HAGH: variants seen among roughly 807,000 people sequenced by gnomAD.
The protein encoded by HAGH is hydroxyacylglutathione hydrolase.
HAGH carries 29 observed loss-of-function variants against 35.1 expected under a neutral mutation model. That is an observed-to-expected ratio of 0.83 (90% confidence interval 0.62 to 1.13). The LOEUF is 1.13. Among genes scored for constraint, HAGH ranks in the 50% most tolerant of loss-of-function variants. The pLI, the probability that HAGH is intolerant of heterozygous loss-of-function variation, is 0.00. For synonymous variants in HAGH, 225 were observed against 176.1 expected, an observed-to-expected ratio of 1.28 and a Z score of -2.20; for missense variants, 478 against 419.6, an observed-to-expected ratio of 1.14 and a Z score of -1.22.
rs967487062 is a variant in HAGH, at chr16:1,820,606, C to T, written c.315-592G>A. Among the ~76,000 whole-genome samples, 77 of 152,288 alleles carry T rather than the reference C, an allele frequency of 5.1e-4. 3 individuals carry two copies. Among genetic ancestry groups the T allele is most frequent in the Admixed American group, 4.2e-3 (65 of 15,312 alleles). On this transcript the variant is annotated intron_variant, in intron 3 of 8. Coordinates refer to ENST00000397356, the MANE Select transcript of HAGH (RefSeq NM_005326.6). ...GCAGGTGGAGGTGCCTCCTACGCGC[C>T]CAGGTTTCCCCAGGGGAGCCTGCCT... is the stretch of plus-strand genomic sequence containing the variant.
rs935998310 is a variant in HAGH at position 1,817,409 on chromosome 16, A to G, written c.542-138T>C. 7.5e-6 allele frequency: 5 copies of G among 663,188 alleles called. No individual in the cohort carries two copies. The Admixed American group carries it at 1.2e-4, about 15-fold the overall frequency. 41.1% of individuals were successfully genotyped at this position (663,188 alleles called of 1,614,324 possible). On this transcript the variant is annotated intron_variant, in intron 5 of 8. Transcript: ENST00000397356. ...GGCTGCCCTCCGGCCACGGCTGCCC[A>G]GACTCAGCCCCCCTGCATTCCGGCT... is the stretch of plus-strand genomic sequence containing the variant.
intron 3 of HAGH, among the ~76,000 whole-genome samples, chr16:1,820,541 G>A (rs1421668928): frequency 1.3e-5 from 2 of 152,176 alleles, no homozygotes; most frequent in Non-Finnish European, 2.9e-5. Context: ...GGCCCTAGAC[G>A]CGGCCTGTCT....
At chr16:1,817,333 G>A (rs1211738509) in intron 5 of HAGH, 62 bp from the exon 6 acceptor site, 8 of 1,043,756 alleles carry the variant, frequency 7.7e-6, no homozygotes, top group South Asian at 1.3e-5. Context: ...GACTCAGGAG[G>A]GGGCCAGGAG....
In HAGH at chr16:1,809,142, T is replaced by C. The variant is rs1206098401; in HGVS notation, c.*141A>G. ...ACTTGTTAAACTTCTCTTATAAATA[T>C]GCATTAGAATGTCCGATAACACAAG... is the stretch of plus-strand genomic sequence containing the variant. On this transcript the variant is annotated 3_prime_UTR_variant, in exon 9 of 9. Coordinates refer to ENST00000397356, the MANE Select transcript of HAGH (RefSeq NM_005326.6). The C allele has an allele frequency of 4.7e-6, 3 of 633,412 alleles. No homozygotes were observed. The highest frequency in any genetic ancestry group is 8.6e-6 in the Non-Finnish European group (3 of 349,416). 39.2% of individuals were successfully genotyped at this position (633,412 alleles called of 1,614,324 possible).
chr16:1,818,932 C>T (rs12103093), intron 5 of HAGH, 183 bp downstream of exon 5: 5 of 584,036 alleles, frequency 8.6e-6, no homozygotes, highest in Non-Finnish European at 1.5e-5. Context: ...TTCCAGACCA[C>T]GATCCAAACC....
At chr16:1,826,292 C>G (rs1898413616) in intron 1 of HAGH, among the ~76,000 whole-genome samples, 1 of 151,068 alleles carries the variant, frequency 6.6e-6, no homozygotes, top group African/African-American at 2.4e-5. Flanking sequence ...TCCACCACCG[C>G]AGGCGGCGCC....
intron 7 of HAGH, among the ~76,000 whole-genome samples, chr16:1,814,474 CAA>C (rs57787455): frequency 1.6e-4 from 15 of 95,038 alleles, no homozygotes; most frequent in Admixed American, 2.4e-4. Context: ...AACTCCGTCT[CAA>C]AAAAAAAAAA....
rs563988047 is a variant in HAGH, at chr16:1,816,916, G to A, written c.724C>T (p.Arg242Trp). The change falls in exon 7 of 9, where the codon CGG becomes TGG. Residue 242 changes from arginine (R) to tryptophan (W), a missense_variant. Physicochemically the swap from Arg to Trp is moderately radical, Grantham distance 101. Transcript: ENST00000397356. Reference sequence around the variant, plus strand: ...ACCTTGGCCCAGGCCAGCTTCTCCCGGATGGCGGCATTGCCGGGCTCCACG... The same window carrying A: ...ACCTTGGCCCAGGCCAGCTTCTCCCAGATGGCGGCATTGCCGGGCTCCACG... ...RHVEPGNAAI[R>W]EKLAWAKEKY... 1.6e-4 allele frequency: 261 copies of A among 1,613,234 alleles called. 1 individual carries two copies. The highest frequency in any genetic ancestry group is 6.8e-4 in the South Asian group (62 of 91,062).
chr16:1,819,165 C>T lies in HAGH; in HGVS notation c.491G>A (p.Cys164Tyr). Residue 164 changes from cysteine (C) to tyrosine (Y), a missense_variant, in exon 5 of 9, where the codon TGT (cysteine) becomes TAT (tyrosine). Transcript: ENST00000397356. ...ATPCHTSGHI[C>Y]YFVSKPGGSE... ...GCCTCCGGGCTTGCTCACGAAGTAACAAATGTGTCCTGAAGTGTGGCACGG... is the reference window on the plus strand; with the variant it reads ...GCCTCCGGGCTTGCTCACGAAGTAATAAATGTGTCCTGAAGTGTGGCACGG... 1 of 1,613,444 alleles carries T rather than the reference C, an allele frequency of 6.2e-7. No homozygotes were observed. The highest frequency in any genetic ancestry group is 8.5e-7 in the Non-Finnish European group (1 of 1,179,850).
intron 5 of HAGH, 99 bp downstream of exon 5, chr16:1,819,016 C>G: frequency 1.3e-6 from 1 of 747,632 alleles, no homozygotes; most frequent in Non-Finnish European, 2.4e-6. Flanking sequence ...CACACCGGTG[C>G]AACAGAGAAG....
intron 7 of HAGH, among the ~76,000 whole-genome samples, chr16:1,816,212 A>AT (rs1291250193): frequency 7.2e-6 from 1 of 139,088 alleles, no homozygotes; most frequent in Non-Finnish European, 1.6e-5. Context: ...TCAAAAAAAA[A>AT]TTAAAAAAAA....
chr16:1,826,267 C>G (rs1341933400), intron 1 of HAGH, among the ~76,000 whole-genome samples: 2 of 151,362 alleles, frequency 1.3e-5, no homozygotes, highest in Non-Finnish European at 3.0e-5. Flanking sequence ...GGGGCTCCGG[C>G]GCCGGGCGGG....
rs752609495 is a variant in HAGH at position 1,819,216 on chromosome 16, G to A, written c.440C>T (p.Ser147Phe). The A allele has an allele frequency of 1.6e-5, 26 of 1,607,144 alleles. No individual in the cohort carries two copies. The African/African-American group carries it at 3.5e-4, about 21-fold the overall frequency. Residue 147 changes from serine (S) to phenylalanine (F), a missense_variant, in exon 5 of 9, where the codon TCT (serine) becomes TTT (phenylalanine). Coordinates refer to ENST00000397356, the MANE Select transcript of HAGH (RefSeq NM_005326.6). ...ITHLSTLQVG[S>F]LNVKCLATPC... ...GGTCGCCAGGCACTTGACGTTCAGA[G>A]ACCCCACCTTCAACAAAGCAGGCGA...
intron 7 of HAGH, among the ~76,000 whole-genome samples, chr16:1,816,403 C>T (rs941515590): frequency 2.0e-5 from 3 of 152,088 alleles, no homozygotes; most frequent in Non-Finnish European, 2.9e-5. Flanking sequence ...AGAGGGAGCC[C>T]ACGCCTGAGA....
intron 7 of HAGH, chr16:1,810,135 C>G (rs530368607): frequency 5.9e-6 from 2 of 341,760 alleles, no homozygotes; most frequent in East Asian, 5.9e-5. Flanking sequence ...GCCCTCCAGC[C>G]TGGGTGACAG....
At chr16:1,822,177 G>C (rs2142048231) in intron 3 of HAGH, 123 bp downstream of exon 3, 1 of 689,124 alleles carries the variant, frequency 1.5e-6, no homozygotes, top group Admixed American at 2.1e-5. Context: ...TCAGAAGTCT[G>C]CTGGGGGCTT....
At chr16:1,822,817 C>T (rs370809754) in intron 2 of HAGH, 48 bp downstream of exon 2, 106 of 1,564,088 alleles carry the variant, frequency 6.8e-5, no homozygotes, top group Non-Finnish European at 9.0e-5. Context: ...GGTGAGGACT[C>T]CGAGCTGGGT....
At chr16:1,820,062 TGCCTGCTGAGCTGAGGGGG>T (rs1898084310) in intron 3 of HAGH, 48 bp from the exon 4 acceptor site, 3 of 1,064,306 alleles carry the variant, frequency 2.8e-6, no homozygotes, top group South Asian at 2.6e-5. Flanking sequence ...CTGAGGGGGC[TGCCTGCTGAGCTGAGGGGG>T]CTGCCTGCTG....
chr16:1,817,091 G>C (rs1326084692), intron 6 of HAGH, 77 bp downstream of exon 6: 79 of 1,329,638 alleles, frequency 5.9e-5, no homozygotes, highest in Non-Finnish European at 8.5e-5. Flanking sequence ...TGTCCGGTGA[G>C]AGGGTGCCAG....
Sources: allele counts gnomAD v4.1 joint callset (sites outside exome capture counted in the v4.1 genomes callset), GRCh38; gene constraint gnomAD v4.1.1; transcripts MANE v1.5; gene names NCBI Gene and HGNC (gene_info 2026-07-23, HGNC 2026-07-21).